GRIN2A: variants seen among roughly 807,000 people sequenced by gnomAD.
GRIN2A encodes glutamate ionotropic receptor NMDA type subunit 2A.
In GRIN2A, 22 loss-of-function variants were observed where a neutral mutation model predicts 113.4. The ratio of observed to expected loss-of-function variants is 0.19; its 90% CI spans 0.14 to 0.28. The LOEUF (loss-of-function observed/expected upper bound fraction) is 0.28, where lower values mean the gene tolerates loss of function less well. GRIN2A is among the 10% of genes least tolerant of loss of function. The pLI, the probability that GRIN2A is intolerant of heterozygous loss-of-function variation, is 1.00. For missense variants in GRIN2A, 1,502 were observed against 1,887.0 expected (o/e 0.80, Z 3.78); for synonymous variants, 827 against 738.4 (o/e 1.12, Z -1.94).
intron 3 of GRIN2A, among the ~76,000 whole-genome samples, chr16:9,920,330 G>GTGTTT (rs1046238106): frequency 3.3e-5 from 5 of 152,134 alleles, no homozygotes; most frequent in Non-Finnish European, 5.9e-5. Context: ...TTTATTCTGT[G>GTGTTT]TGTTTTGTTT....
chr16:9,816,673 G>C (rs915729685), intron 10 of GRIN2A, among the ~76,000 whole-genome samples: 1 of 152,176 alleles, frequency 6.6e-6, no homozygotes, highest in Admixed American at 6.5e-5. Context: ...ATCTAAATCT[G>C]TCTCCACTCA....
At chr16:10,129,172 C>T (rs1367631608) in intron 2 of GRIN2A, among the ~76,000 whole-genome samples, 3 of 152,022 alleles carry the variant, frequency 2.0e-5, no homozygotes, top group Admixed American at 6.6e-5. Flanking sequence ...AATTTCTGGG[C>T]TCAAGTGATC....
chr16:9,798,775 G>A (rs139780774), intron 10 of GRIN2A, among the ~76,000 whole-genome samples: 191 of 152,346 alleles, frequency 1.3e-3, no homozygotes, highest in African/African-American at 4.2e-3. Flanking sequence ...GTGGAGGACA[G>A]TGCCCTATTT....
chr16:9,875,020 C>G (rs8062614), intron 4 of GRIN2A, among the ~76,000 whole-genome samples: 1 of 151,032 alleles, frequency 6.6e-6, no homozygotes, highest in Non-Finnish European at 1.5e-5. Flanking sequence ...CCCAGGAGGT[C>G]GAGGCCTGCA....
rs139104911 is a variant in GRIN2A at position 9,956,378 on chromosome 16, C to T, written c.415-17827G>A. 4.5e-4 allele frequency among the ~76,000 whole-genome samples: 68 copies of T among 152,142 alleles called. 1 individual carries two copies. The East Asian group carries it at 0.011, about 25-fold the overall frequency. On this transcript the variant is annotated intron_variant, in intron 2 of 12. Coordinates refer to ENST00000330684, the MANE Select transcript of GRIN2A (RefSeq NM_001134407.3). The stretch of plus-strand genomic sequence containing the variant: ...AAGTCCTGGTTTATCACGTATGAGC[C>T]GTGTGTCTCAGGAAACTCACTTCAT...
At chr16:9,953,732 G>C (rs1255188999) in intron 2 of GRIN2A, among the ~76,000 whole-genome samples, 2 of 152,204 alleles carry the variant, frequency 1.3e-5, no homozygotes, top group Admixed American at 6.5e-5. Context: ...CGGGAGTAGA[G>C]AGCTTGAAGA....
At position 9,759,998 on chromosome 16, in the gene GRIN2A, T is replaced by C; in HGVS notation, c.*3151A>G. On this transcript the variant is annotated 3_prime_UTR_variant, in exon 13 of 13. Transcript: ENST00000330684. The stretch of plus-strand genomic sequence containing the variant: ...AGACCCAACCGTTTGCATTCAAGTG[T>C]ACCTATCTGAGGACTAGTTGGGTCC... 4.3e-6 allele frequency: 1 copy of C among 231,208 alleles called. No homozygotes were observed. Among genetic ancestry groups the C allele is most frequent in the Non-Finnish European group, 8.6e-6 (1 of 116,744 alleles). The allele number at this position is 231,208 out of a possible 1,614,324, so 14.3% of individuals were successfully genotyped here.
At chr16:10,128,405 A>T (rs1234475462) in intron 2 of GRIN2A, among the ~76,000 whole-genome samples, 1 of 152,210 alleles carries the variant, frequency 6.6e-6, no homozygotes, top group Non-Finnish European at 1.5e-5. Context: ...CTACACACTT[A>T]AGGACATTCT....
At chr16:9,768,770 G>A (rs1433380981) in intron 12 of GRIN2A, 81 bp downstream of exon 12, 5 of 904,758 alleles carry the variant, frequency 5.5e-6, no homozygotes, top group Non-Finnish European at 9.4e-6. Flanking sequence ...AGGAAGTGCA[G>A]ACCCCACTGA....
At chr16:9,914,096 TAAA>T (rs61449281) in intron 3 of GRIN2A, among the ~76,000 whole-genome samples, 1 of 141,698 alleles carries the variant, frequency 7.1e-6, no homozygotes. Context: ...CATTCTTGGT[TAAA>T]AAAAAAAAAA....
chr16:9,877,375 C>G (rs987338002), intron 4 of GRIN2A, among the ~76,000 whole-genome samples: 3 of 152,098 alleles, frequency 2.0e-5, no homozygotes, highest in Admixed American at 6.5e-5. Flanking sequence ...TTTTATTTTT[C>G]CCCAAATGGA....
At chr16:10,109,444 C>G (rs982539181) in intron 2 of GRIN2A, among the ~76,000 whole-genome samples, 1 of 151,808 alleles carries the variant, frequency 6.6e-6, no homozygotes, top group Non-Finnish European at 1.5e-5. Flanking sequence ...ACCCTGATTC[C>G]AAAACCAGAG....
At chr16:10,099,016 T>C (rs1273347415) in intron 2 of GRIN2A, among the ~76,000 whole-genome samples, 4 of 151,386 alleles carry the variant, frequency 2.6e-5, no homozygotes, top group South Asian at 2.1e-4. Flanking sequence ...GTTATTTCAG[T>C]TTGTGTTCTC....
intron 2 of GRIN2A, chr16:10,111,895 A>C: frequency 2.3e-6 from 2 of 868,030 alleles, no homozygotes; most frequent in South Asian, 2.7e-5. Context: ...GAAGGACCAC[A>C]CCACCCTCCT....
At chr16:10,059,490 C>T (rs189876059) in intron 2 of GRIN2A, among the ~76,000 whole-genome samples, 1 of 152,200 alleles carries the variant, frequency 6.6e-6, no homozygotes, top group Admixed American at 6.5e-5. Context: ...GATTCAGCTA[C>T]CCCTGGCTTT....
At chr16:10,175,239 C>A (rs1193063341) in intron 2 of GRIN2A, among the ~76,000 whole-genome samples, 1 of 152,102 alleles carries the variant, frequency 6.6e-6, no homozygotes, top group Non-Finnish European at 1.5e-5. Context: ...ACGTGTCCCA[C>A]CATGAAGCAA....
At chr16:10,062,546 T>C (rs73508660) in intron 2 of GRIN2A, among the ~76,000 whole-genome samples, 4,569 of 152,224 alleles carry the variant, frequency 0.03, 246 homozygotes, top group African/African-American at 0.11. Context: ...TGACACACAC[T>C]AAAGTTTGAA....
chr16:10,118,464 G>C (rs2048771274), intron 2 of GRIN2A, among the ~76,000 whole-genome samples: 1 of 152,074 alleles, frequency 6.6e-6, no homozygotes, highest in Admixed American at 6.6e-5. Context: ...AGGTTAACAA[G>C]TAAAATCTTC....
At chr16:10,115,546 G>T (rs916681097) in intron 2 of GRIN2A, among the ~76,000 whole-genome samples, 1 of 152,186 alleles carries the variant, frequency 6.6e-6, no homozygotes, top group Non-Finnish European at 1.5e-5. Context: ...GAACCAACAG[G>T]ATAGGCTGCT....
Sources: gnomAD v4.1 joint callset for allele counts (sites outside exome capture counted in the v4.1 genomes callset) on GRCh38, gnomAD v4.1.1 for gene constraint, MANE v1.5 for transcripts, NCBI Gene and HGNC (gene_info 2026-07-23, HGNC 2026-07-21) for gene names.